ZFHX3: variants seen among roughly 807,000 people sequenced by gnomAD.
ZFHX3 encodes the protein zinc finger homeobox protein 3.
A neutral mutation model predicts 279.1 loss-of-function variants in ZFHX3; 42 were observed. The ratio of observed to expected loss-of-function variants is 0.15; its 90% CI spans 0.12 to 0.19. The LOEUF (loss-of-function observed/expected upper bound fraction) is 0.19, where lower values mean the gene tolerates loss of function less well. Among genes scored for constraint, ZFHX3 ranks in the 10% least tolerant of loss-of-function variants. ZFHX3 has a pLI of 1.00. For missense variants in ZFHX3, 4,981 were observed against 4,754.0 expected (o/e 1.05, Z -1.40); for synonymous variants, 2,293 against 1,957.8 (o/e 1.17, Z -4.52).
At position 72,787,612 on chromosome 16, in the gene ZFHX3, T is replaced by C; in HGVS notation, c.10664A>G (p.His3555Arg). 4.3e-6 allele frequency: 7 copies of C among 1,613,780 alleles called. No individual in the cohort carries two copies. The highest frequency in any genetic ancestry group is 5.9e-6 in the Non-Finnish European group (7 of 1,179,906). The change falls in exon 10 of 10, where the codon CAC becomes CGC. Residue 3555 changes from histidine (H) to arginine (R), a missense_variant. His to Arg is a conservative substitution (Grantham distance 29, BLOSUM62 0). This residue lies in a region of ZFHX3 where 1,034 missense variants were observed against 786.0 expected (regional missense o/e 1.32). Coordinates refer to ENST00000268489, the MANE Select transcript of ZFHX3 (RefSeq NM_006885.4). Reference protein sequence around the residue: ...SQHLESALHKHRTITRAARNA... With the variant: ...SQHLESALHKRRTITRAARNA... ...TCTTGCTGCTCTCGTGATTGTTCTGTGTTTGTGCAAGGCCGACTCGAGATG... is the reference window on the plus strand; with the variant it reads ...TCTTGCTGCTCTCGTGATTGTTCTGCGTTTGTGCAAGGCCGACTCGAGATG...
Position 72,797,004 on chromosome 16 carries a change from C to G in ZFHX3, c.5678G>C (p.Arg1893Thr), listed in dbSNP as rs534501327. Residue 1893 changes from arginine (R) to threonine (T), a missense_variant, in exon 9 of 10, where the codon AGG becomes ACG. Around this residue, in one of 7 missense-constraint regions of ZFHX3, gnomAD observed 1,751 missense variants for 1,770.0 expected, o/e 0.99. Transcript: ENST00000268489. Reference protein sequence around the residue: ...KEKEKESQRERDSAEGGEGNT... With the variant: ...KEKEKESQRETDSAEGGEGNT... ...GCCCTCTCCCCCCTCGGCGCTGTCC[C>G]TCTCTCTCTGGCTTTCTTTTTCCTT... is the stretch of plus-strand genomic sequence containing the variant. 3.7e-6 allele frequency: 6 copies of G among 1,613,876 alleles called. No individual in the cohort carries two copies. Among genetic ancestry groups the G allele is most frequent in the Non-Finnish European group, 5.1e-6 (6 of 1,180,006 alleles).
chr16:72,920,512 T>C (rs2039557442), intron 3 of ZFHX3, among the ~76,000 whole-genome samples: 1 of 151,120 alleles, frequency 6.6e-6, no homozygotes, highest in African/African-American at 2.4e-5. Flanking sequence ...AAACCCCGTC[T>C]CTACTAAAAA....
At chr16:73,498,947 G>A (rs1320211080) in intron 2 of ZFHX3, among the ~76,000 whole-genome samples, 2 of 152,192 alleles carry the variant, frequency 1.3e-5, no homozygotes, top group Non-Finnish European at 2.9e-5. Flanking sequence ...CACAAGGTAA[G>A]AAGTGAGGAA....
Position 73,289,188 on chromosome 16 carries a change from C to T in ZFHX3, c.-1194+29052G>A, listed in dbSNP as rs12596628. 0.012 allele frequency among the ~76,000 whole-genome samples: 1,869 copies of T among 151,656 alleles called. 85 individuals carry two copies. In the East Asian group the frequency reaches 0.16, roughly 13 times the overall value. ...TATTTGAAATGCAATATTTAAAAAC[C>T]GTGTGGCTGGGGAGGAAAATGCCGC... On this transcript the variant is annotated intron_variant, in intron 4 of 17. Transcript: ENST00000641206.
intron 1 of ZFHX3, among the ~76,000 whole-genome samples, chr16:72,989,824 C>T (rs1160863353): frequency 6.6e-6 from 1 of 152,138 alleles, no homozygotes; most frequent in African/African-American, 2.4e-5. Context: ...GTTAATTATG[C>T]GGACGCAGAG....
intron 3 of ZFHX3, among the ~76,000 whole-genome samples, chr16:72,928,485 G>T (rs906424817): frequency 1.1e-4 from 17 of 152,102 alleles, no homozygotes; most frequent in African/African-American, 4.1e-4. Context: ...GCAGCACCCG[G>T]CTCACCAAGG....
intron 1 of ZFHX3, among the ~76,000 whole-genome samples, chr16:73,690,813 G>C (rs1445234051): frequency 6.6e-6 from 1 of 152,186 alleles, no homozygotes; most frequent in Non-Finnish European, 1.5e-5. Context: ...ACAAATGAGG[G>C]AGGTTACCTT....
At chr16:73,248,425 T>C (rs1304693489) in intron 5 of ZFHX3, among the ~76,000 whole-genome samples, 1 of 151,812 alleles carries the variant, frequency 6.6e-6, no homozygotes. Context: ...ATATAATGTG[T>C]CTTTGTGTCT....
At chr16:73,747,930 C>T (rs1194344734) in intron 1 of ZFHX3, among the ~76,000 whole-genome samples, 2 of 152,160 alleles carry the variant, frequency 1.3e-5, no homozygotes, top group African/African-American at 4.8e-5. Context: ...AAGATCTATA[C>T]CCTCGCACAT....
At chr16:73,650,674 T>C (rs914048580) in intron 2 of ZFHX3, among the ~76,000 whole-genome samples, 2 of 152,178 alleles carry the variant, frequency 1.3e-5, no homozygotes, top group African/African-American at 4.8e-5. Context: ...TCACATTAGC[T>C]AAGTAATCAA....
chr16:73,129,915 C>T (rs1966646611), intron 7 of ZFHX3, among the ~76,000 whole-genome samples: 2 of 152,112 alleles, frequency 1.3e-5, no homozygotes. Flanking sequence ...AATTAACCAT[C>T]CTCCTTGTGT....
At chr16:73,715,097 A>C (rs2053401642) in intron 1 of ZFHX3, among the ~76,000 whole-genome samples, 1 of 152,126 alleles carries the variant, frequency 6.6e-6, no homozygotes, top group African/African-American at 2.4e-5. Context: ...TGCTCGGGTC[A>C]AGCTGGATGA....
Position 72,960,158 on chromosome 16 carries a change from G to T in ZFHX3, c.-13C>A. The T allele has an allele frequency of 4.5e-6, 7 of 1,549,894 alleles. No individual in the cohort carries two copies. The highest frequency in any genetic ancestry group is 6.1e-6 in the Non-Finnish European group (7 of 1,146,244). On this transcript the variant is annotated 5_prime_UTR_variant, in exon 2 of 10. Coordinates refer to ENST00000268489, the MANE Select transcript of ZFHX3 (RefSeq NM_006885.4). ...CACAGCCTTCCATGGTAAGGCCTGC[G>T]TGGAGCTTTCATTGCACCCAGTACG...
intron 3 of ZFHX3, among the ~76,000 whole-genome samples, chr16:73,438,391 A>G (rs973036597): frequency 1.3e-5 from 2 of 152,244 alleles, no homozygotes; most frequent in Non-Finnish European, 2.9e-5. Flanking sequence ...CTATGAACTC[A>G]TAATGGCCCA....
At chr16:73,321,573 C>T (rs546738015) in intron 3 of ZFHX3, among the ~76,000 whole-genome samples, 1 of 152,294 alleles carries the variant, frequency 6.6e-6, no homozygotes, top group Non-Finnish European at 1.5e-5. Flanking sequence ...ATGATAAGCT[C>T]CCGAACAACA....
In ZFHX3 at chr16:73,459,921, A is replaced by T. The variant is rs111585087; in HGVS notation, c.-1546-3663T>A. ...ACTTCCACCTGGTCTCTCCCTTGACACATGGTGATTATGGGGATTACAATT... is the reference window on the plus strand; with the variant it reads ...ACTTCCACCTGGTCTCTCCCTTGACTCATGGTGATTATGGGGATTACAATT... On this transcript the variant is annotated intron_variant, in intron 2 of 17. Coordinates refer to the ZFHX3 transcript ENST00000641206. 9.7e-3 allele frequency among the ~76,000 whole-genome samples: 1,482 copies of T among 152,334 alleles called. 18 individuals are homozygous for T. The highest frequency in any genetic ancestry group is 0.034 in the African/African-American group (1,420 of 41,566).
At position 73,236,148 on chromosome 16, in the gene ZFHX3, C is replaced by T. The variant is rs544616860; in HGVS notation, c.-1104+20899G>A. ...AAAAATATAGATATTAGCAAGGACA[C>T]GGCATACGTCAAGGGAGTATGTGTT... On this transcript the variant is annotated intron_variant, in intron 5 of 17. Coordinates refer to the ZFHX3 transcript ENST00000641206. 4.0e-4 allele frequency among the ~76,000 whole-genome samples: 61 copies of T among 152,254 alleles called. No individual in the cohort carries two copies. The South Asian group carries it at 0.012, about 29-fold the overall frequency.
chr16:73,521,741 A>C (rs143982827), intron 2 of ZFHX3, among the ~76,000 whole-genome samples: 62 of 152,180 alleles, frequency 4.1e-4, no homozygotes, highest in African/African-American at 1.4e-3. Context: ...TAGCATTTTA[A>C]ATTTTATTAA....
chr16:73,591,418 G>T (rs1052026612), intron 2 of ZFHX3, among the ~76,000 whole-genome samples: 1 of 146,860 alleles, frequency 6.8e-6, no homozygotes, highest in African/African-American at 2.5e-5. Context: ...AGGGGGCCGG[G>T]TGCGGTGGCT....
Sources: gnomAD v4.1 joint callset for allele counts (sites outside exome capture counted in the v4.1 genomes callset) on GRCh38, gnomAD v4.1.1 for gene constraint, gnomAD v4.1.1 regional missense constraint, MANE v1.5 for transcripts, NCBI Gene and HGNC (gene_info 2026-07-23, HGNC 2026-07-21) for gene names.